The following ARHGAP20 variants were observed in gnomAD, a reference collection of about 807,000 sequenced individuals.
ARHGAP20 encodes Rho GTPase activating protein 20, also known as rho GTPase-activating protein 20.
A neutral mutation model predicts 73.7 loss-of-function variants in ARHGAP20; 34 were observed. The ratio of observed to expected loss-of-function variants is 0.46; its 90% confidence interval spans 0.35 to 0.61. ARHGAP20 has a LOEUF of 0.61. ARHGAP20 is among the 20% of genes least tolerant of loss of function. ARHGAP20 has a pLI of 0.00. For missense variants in ARHGAP20, 1,314 were observed against 1,420.9 expected (o/e 0.92, Z 1.21); for synonymous variants, 523 against 518.2 (o/e 1.01, Z -0.13).
intron 2 of ARHGAP20, among the ~76,000 whole-genome samples, chr11:110,649,022 G>A (rs1344023296): frequency 4.6e-5 from 7 of 151,866 alleles, no homozygotes; most frequent in African/African-American, 1.7e-4. Context: ...GCCTGTGCTG[G>A]GGAATCTAAT....
intron 3 of ARHGAP20, among the ~76,000 whole-genome samples, chr11:110,625,436 G>A (rs1312680797): frequency 1.3e-5 from 2 of 152,104 alleles, no homozygotes; most frequent in East Asian, 1.9e-4. Flanking sequence ...TTTCAATGAA[G>A]TGGCTACAAG....
chr11:110,591,078 C>A (rs1947816762), intron 10 of ARHGAP20, among the ~76,000 whole-genome samples: 1 of 152,170 alleles, frequency 6.6e-6, no homozygotes, highest in Non-Finnish European at 1.5e-5. Flanking sequence ...GTCACATGAT[C>A]TATTATATAA....
At chr11:110,634,275 T>C (rs1001173610) in intron 2 of ARHGAP20, among the ~76,000 whole-genome samples, 1 of 152,042 alleles carries the variant, frequency 6.6e-6, no homozygotes, top group Non-Finnish European at 1.5e-5. Flanking sequence ...GGCAAAACTC[T>C]TGTTGTTTTT....
chr11:110,592,089 C>G lies in ARHGAP20; in HGVS notation c.1031G>C (p.Ser344Thr). The G allele has an allele frequency of 6.2e-7, 1 of 1,614,116 alleles. No individual in the cohort carries two copies. The highest frequency in any genetic ancestry group is 2.2e-5 in the East Asian group (1 of 44,890). ...TGAGGGCAAGTTGTCCAGGTGAGTGCTAGAACCTCGCCAGAAGGCCCAGTT... is the reference window on the plus strand; with the variant it reads ...TGAGGGCAAGTTGTCCAGGTGAGTGGTAGAACCTCGCCAGAAGGCCCAGTT... ...IINWAFWRGS[S>T]THLDNLPSSP... Residue 344 changes from serine (S) to threonine (T), a missense_variant, in exon 10 of 15, where the codon AGC becomes ACC. Ser to Thr is a moderately conservative substitution (Grantham distance 58). Transcript: ENST00000683387.
Position 110,583,708 on chromosome 11 carries a change from A to G in ARHGAP20, c.1445T>C (p.Val482Ala). The change falls in exon 13 of 15, where the codon GTT becomes GCT. Residue 482 changes from valine (V) to alanine (A), a missense_variant. Around this residue, in one of 3 missense-constraint regions of ARHGAP20, gnomAD observed 230 missense variants for 317.6 expected, o/e 0.72. Transcript: ENST00000683387. ...CCCAAAAAGATACCTTAGGAGAACA[A>G]CATTGGCTCTCGGAAGCTGGTCTAA... ...RLLDQLPRAN[V>A]VLLRYLFGVL... 6.3e-7 allele frequency: 1 copy of G among 1,593,372 alleles called. No homozygotes were observed. The highest frequency in any genetic ancestry group is 1.7e-5 in the Admixed American group (1 of 58,582).
At chr11:110,687,547 G>A (rs1950161390) in intron 2 of ARHGAP20, among the ~76,000 whole-genome samples, 1 of 152,100 alleles carries the variant, frequency 6.6e-6, no homozygotes. Context: ...TTTTCAGTGA[G>A]TCAGGTAAGT....
At chr11:110,649,680 A>G (rs1289756155) in intron 2 of ARHGAP20, among the ~76,000 whole-genome samples, 3 of 152,116 alleles carry the variant, frequency 2.0e-5, no homozygotes, top group Non-Finnish European at 2.9e-5. Context: ...ACAAAAGAAA[A>G]AAACTGTAGA....
intron 9 of ARHGAP20, among the ~76,000 whole-genome samples, chr11:110,602,727 T>C (rs957735949): frequency 6.6e-6 from 1 of 152,188 alleles, no homozygotes; most frequent in East Asian, 1.9e-4. Flanking sequence ...GTAATATCAA[T>C]AGTAAACTAA....
intron 3 of ARHGAP20, among the ~76,000 whole-genome samples, chr11:110,625,707 CAT>C (rs10542154): frequency 0.16 from 25,027 of 152,014 alleles, 2,492 homozygotes; most frequent in East Asian, 0.31. Flanking sequence ...TGGAAACCAC[CAT>C]ATCTCTTGAC....
intron 2 of ARHGAP20, among the ~76,000 whole-genome samples, chr11:110,684,635 A>G (rs1950097062): frequency 6.6e-6 from 1 of 152,298 alleles, no homozygotes; most frequent in Admixed American, 6.5e-5. Context: ...CTGAAGCACT[A>G]TTTACAATAG....
chr11:110,639,598 T>A (rs900986442), intron 2 of ARHGAP20, among the ~76,000 whole-genome samples: 11 of 151,990 alleles, frequency 7.2e-5, no homozygotes, highest in Non-Finnish European at 4.4e-5. Flanking sequence ...CTATAAGCAG[T>A]CATTCCCCAT....
chr11:110,615,629 C>G (rs1211980256), intron 4 of ARHGAP20, 35 bp from the exon 5 acceptor site: 1 of 1,583,698 alleles, frequency 6.3e-7, no homozygotes, highest in Non-Finnish European at 8.6e-7. Context: ...AAAAATTAAA[C>G]CACATAAAAT....
At chr11:110,591,578 A>G (rs780930362) in intron 10 of ARHGAP20, among the ~76,000 whole-genome samples, 2 of 152,368 alleles carry the variant, frequency 1.3e-5, no homozygotes, top group Admixed American at 6.5e-5. Context: ...ATGTATCTTT[A>G]TGCGTGAGCA....
chr11:110,690,116 A>T (rs1463845949), intron 2 of ARHGAP20, among the ~76,000 whole-genome samples: 1 of 152,186 alleles, frequency 6.6e-6, no homozygotes, highest in Non-Finnish European at 1.5e-5. Flanking sequence ...ATTCCATTTT[A>T]AAAAATAATC....
At chr11:110,707,245 G>A (rs958632605) in intron 1 of ARHGAP20, among the ~76,000 whole-genome samples, 1 of 152,038 alleles carries the variant, frequency 6.6e-6, no homozygotes, top group Non-Finnish European at 1.5e-5. Context: ...AAACCAAAAG[G>A]TCAGAATATT....
At chr11:110,693,812 C>A (rs752881624) in intron 1 of ARHGAP20, among the ~76,000 whole-genome samples, 1 of 151,788 alleles carries the variant, frequency 6.6e-6, no homozygotes, top group Admixed American at 6.6e-5. Flanking sequence ...GACAGGCTTA[C>A]GTTATGCTTA....
intron 2 of ARHGAP20, among the ~76,000 whole-genome samples, chr11:110,638,348 A>T (rs1426927736): frequency 6.6e-6 from 1 of 152,108 alleles, no homozygotes; most frequent in Non-Finnish European, 1.5e-5. Flanking sequence ...CTGAAATTCA[A>T]AAATAAAAAA....
At chr11:110,689,276 A>T (rs1488766789) in intron 2 of ARHGAP20, among the ~76,000 whole-genome samples, 1 of 151,918 alleles carries the variant, frequency 6.6e-6, no homozygotes, top group East Asian at 1.9e-4. Context: ...TATAGATTTT[A>T]TGTTAAATTA....
At chr11:110,597,847 A>G (rs1460351822) in intron 9 of ARHGAP20, among the ~76,000 whole-genome samples, 1 of 152,186 alleles carries the variant, frequency 6.6e-6, no homozygotes, top group Non-Finnish European at 1.5e-5. Flanking sequence ...AGATAAAAAA[A>G]TTTCATTAAA....
Sources: gnomAD v4.1 joint callset for allele counts (sites outside exome capture counted in the v4.1 genomes callset) on GRCh38, gnomAD v4.1.1 for gene constraint, gnomAD v4.1.1 regional missense constraint, MANE v1.5 for transcripts, NCBI Gene and HGNC (gene_info 2026-07-23, HGNC 2026-07-21) for gene names.